SSH1: variants seen among roughly 807,000 people sequenced by gnomAD.
The protein encoded by SSH1 is slingshot protein phosphatase 1, also known as protein phosphatase Slingshot homolog 1.
SSH1 carries 43 observed loss-of-function variants against 79.7 expected under a neutral mutation model. That is an observed-to-expected ratio of 0.54 (90% CI 0.42 to 0.70). SSH1 has a LOEUF of 0.70. Ranked by LOEUF, SSH1 falls within the 30% of genes least tolerant of loss-of-function variation. SSH1 has a pLI of 0.00. For synonymous variants in SSH1, 599 were observed against 538.3 expected (o/e 1.11, Z -1.56); for missense variants, 1,206 against 1,358.8 (o/e 0.89, Z 1.77).
At chr12:108,856,567 C>T (rs1332458149) in intron 1 of SSH1, among the ~76,000 whole-genome samples, 2 of 152,224 alleles carry the variant, frequency 1.3e-5, no homozygotes, top group Admixed American at 6.5e-5. Context: ...TAAGGCTGCA[C>T]GCACAGACGT....
At chr12:108,790,886 C>T (rs902927708) in intron 14 of SSH1, among the ~76,000 whole-genome samples, 1 of 152,168 alleles carries the variant, frequency 6.6e-6, no homozygotes, top group Non-Finnish European at 1.5e-5. Context: ...CCAGGCTGCA[C>T]GGCCACCCTT....
At chr12:108,853,057 G>T (rs753587139) in intron 1 of SSH1, 87 of 985,218 alleles carry the variant, frequency 8.8e-5, no homozygotes, top group Non-Finnish European at 1.0e-4. Context: ...TGTTTAAAGA[G>T]AATCCACTTC....
In SSH1 at chr12:108,802,347, T is replaced by G. The variant is rs1411893576; in HGVS notation, c.976A>C (p.Asn326His). Residue 326 changes from asparagine (N) to histidine (H), a missense_variant, in exon 11 of 15, where the codon AAT (asparagine) becomes CAT (histidine). Transcript: ENST00000326495. The stretch of plus-strand genomic sequence containing the variant: ...CCTGAGCCCTGCAGTTCCTCCAGAT[T>G]GGATGCATTCCATTCAGAGCCCTGG... ...LYLGSEWNAS[N>H]LEELQGSGVD... 6.2e-7 allele frequency: 1 copy of G among 1,613,912 alleles called. No homozygotes were observed. Among genetic ancestry groups the G allele is most frequent in the Non-Finnish European group, 8.5e-7 (1 of 1,179,982 alleles).
rs2036281097 is a variant in SSH1 at position 108,786,597 on chromosome 12, T to C, written c.*1391A>G. On this transcript the variant is annotated 3_prime_UTR_variant, in exon 15 of 15. Coordinates refer to ENST00000326495, the MANE Select transcript of SSH1 (RefSeq NM_018984.4). ...CAACTCCTTAAAAAGGTAAAAGCCA[T>C]CGCTTGAGCCAGGGAGGTTGATGCT... 1 of 152,180 alleles carries C rather than the reference T, an allele frequency of 6.6e-6. No homozygotes were observed. The highest frequency in any genetic ancestry group is 2.4e-5 in the African/African-American group (1 of 41,432). 9.4% of individuals were successfully genotyped at this position (152,180 alleles called of 1,614,324 possible).
intron 1 of SSH1, 58 bp from the exon 2 acceptor site, chr12:108,852,736 C>T (rs1176850408): frequency 9.9e-5 from 159 of 1,612,120 alleles, no homozygotes; most frequent in Non-Finnish European, 1.3e-4. Flanking sequence ...ACGCCTCGGG[C>T]GGCAGTCTCA....
At chr12:108,791,796 T>C (rs2036512417) in intron 14 of SSH1, 11 of 302,176 alleles carry the variant, frequency 3.6e-5, no homozygotes, top group Non-Finnish European at 5.8e-5. Context: ...ATACCTATAA[T>C]ATATATTTTT....
intron 14 of SSH1, chr12:108,792,017 A>T (rs979255242): frequency 7.1e-7 from 1 of 1,408,724 alleles, no homozygotes; most frequent in African/African-American, 1.4e-5. Context: ...CATGGGGTGA[A>T]GATGGTGTGC....
intron 5 of SSH1, among the ~76,000 whole-genome samples, chr12:108,814,184 A>T (rs2037773317): frequency 6.6e-6 from 1 of 151,558 alleles, no homozygotes; most frequent in South Asian, 2.1e-4. Flanking sequence ...AGATCGTGCC[A>T]CTACACTCCA....
chr12:108,792,294 C>T lies in SSH1; in HGVS notation c.1885G>A (p.Gly629Ser), dbSNP rs773507049. Residue 629 changes from glycine (G) to serine (S), a missense_variant, in exon 14 of 15, where the codon GGC (glycine) becomes AGC (serine). Physicochemically the swap from Gly to Ser is moderately conservative, Grantham distance 56. Around this residue, in one of 5 missense-constraint regions of SSH1, gnomAD observed 709 missense variants for 730.6 expected, o/e 0.97. Transcript: ENST00000326495. ...GGCCGGGCTCTGCCTACCTCCATGC[C>T]GTTGGGACAGCTCCTCTTGCTGTTG... ...NNNSKRSCPNGMEDDAIFGIL... is the reference protein window; with the variant it reads ...NNNSKRSCPNSMEDDAIFGIL... 9.3e-6 allele frequency: 15 copies of T among 1,614,012 alleles called. No homozygotes were observed. Among genetic ancestry groups the T allele is most frequent in the East Asian group, 4.5e-5 (2 of 44,898 alleles).
At chr12:108,845,167 C>A (rs1165901221) in intron 2 of SSH1, among the ~76,000 whole-genome samples, 1 of 149,324 alleles carries the variant, frequency 6.7e-6, no homozygotes, top group South Asian at 2.1e-4. Flanking sequence ...CGAGATCGCA[C>A]CACTGCACTC....
At chr12:108,830,728 C>A (rs925110066) in intron 2 of SSH1, among the ~76,000 whole-genome samples, 4 of 152,074 alleles carry the variant, frequency 2.6e-5, no homozygotes, top group African/African-American at 9.7e-5. Context: ...TTTCAGAGAC[C>A]TGAATGTTCT....
Position 108,806,999 on chromosome 12 carries a change from A to T in SSH1, c.732-605T>A, listed in dbSNP as rs575337431. On this transcript the variant is annotated intron_variant, in intron 8 of 14. Coordinates refer to ENST00000326495, the MANE Select transcript of SSH1 (RefSeq NM_018984.4). The stretch of plus-strand genomic sequence containing the variant: ...TCTGAACACACTGTGGTTTATCCAT[A>T]GTCTTCCCAAAATGCAGTGTCCTGG... Among the ~76,000 whole-genome samples the T allele has an allele frequency of 3.1e-4, 47 of 152,326 alleles. 1 individual carries two copies. The highest frequency in any genetic ancestry group is 1.1e-3 in the African/African-American group (46 of 41,578).
intron 4 of SSH1, 148 bp downstream of exon 4, chr12:108,818,101 G>C: frequency 3.0e-6 from 2 of 668,328 alleles, no homozygotes; most frequent in Non-Finnish European, 5.4e-6. Flanking sequence ...AGGAGGCTGA[G>C]GTGGGAAGAT....
At chr12:108,804,411 CTGACTT>C (rs558787586) in intron 10 of SSH1, among the ~76,000 whole-genome samples, 73 of 152,360 alleles carry the variant, frequency 4.8e-4, no homozygotes, top group Non-Finnish European at 8.5e-4. Flanking sequence ...TATAGCCTCT[CTGACTT>C]TGACAACTTG....
At position 108,805,140 on chromosome 12, in the gene SSH1, T is replaced by G. The variant is rs375143131; in HGVS notation, c.870A>C (p.Glu290Asp). ...LEKQMNCNLK[E>D]LKEFIDNEML... ...TCTCATTGTCTATAAATTCCTTGAG[T>G]TCCTTCAAGTTACAATTCATCTGTT... is the stretch of plus-strand genomic sequence containing the variant. Residue 290 changes from glutamate to aspartate, a missense_variant, in exon 10 of 15, where the codon GAA becomes GAC. By Grantham distance (45) the Glu-to-Asp change is conservative (BLOSUM62 2). Coordinates refer to ENST00000326495, the MANE Select transcript of SSH1 (RefSeq NM_018984.4). The G allele has an allele frequency of 3.1e-5, 50 of 1,613,514 alleles. No individual in the cohort carries two copies. The East Asian group carries it at 8.5e-4, about 27-fold the overall frequency.
chr12:108,799,911 C>T (rs1350588341), intron 12 of SSH1, among the ~76,000 whole-genome samples: 7 of 152,178 alleles, frequency 4.6e-5, no homozygotes, highest in Non-Finnish European at 7.3e-5. Context: ...GCAGCACCTG[C>T]GAAACTTTAT....
intron 2 of SSH1, among the ~76,000 whole-genome samples, chr12:108,849,877 C>G (rs1206132916): frequency 1.6e-4 from 6 of 36,896 alleles, no homozygotes; most frequent in Admixed American, 4.0e-4. Context: ...TAGGGGAGGG[C>G]AGATGGGGAG....
intron 2 of SSH1, among the ~76,000 whole-genome samples, chr12:108,843,172 G>A (rs921735341): frequency 6.6e-6 from 1 of 152,110 alleles, no homozygotes; most frequent in African/African-American, 2.4e-5. Flanking sequence ...AATATTTGTT[G>A]AATGAATAGC....
At chr12:108,841,842 GTA>G (rs34543723) in intron 2 of SSH1, among the ~76,000 whole-genome samples, 14,087 of 147,038 alleles carry the variant, frequency 0.096, 670 homozygotes, top group East Asian at 0.14. Flanking sequence ...GTGTGTGTGT[GTA>G]TATATATATA....
Sources: gnomAD v4.1 joint callset for allele counts (sites outside exome capture counted in the v4.1 genomes callset) on GRCh38, gnomAD v4.1.1 for gene constraint, gnomAD v4.1.1 regional missense constraint, MANE v1.5 for transcripts, NCBI Gene and HGNC (gene_info 2026-07-23, HGNC 2026-07-21) for gene names.